Variants in GDPD5 observed in about 807,000 individuals in gnomAD.
The protein encoded by GDPD5 is glycerophosphodiester phosphodiesterase domain containing 5, also known as glycerophosphodiester phosphodiesterase 2.
GDPD5 carries 48 observed loss-of-function variants against 75.1 expected under a neutral mutation model. That is an observed-to-expected ratio of 0.64 (90% CI 0.51 to 0.81). The LOEUF is 0.81. Among genes scored for constraint, GDPD5 ranks in the 40% least tolerant of loss-of-function variants. The pLI is 0.00. For missense variants in GDPD5, 706 were observed against 822.6 expected (o/e 0.86, Z 1.73); for synonymous variants, 336 against 339.0 (o/e 0.99, Z 0.10).
chr11:75,478,927 T>A lies in GDPD5; in HGVS notation c.-60-1132A>T, dbSNP rs574591239. On this transcript the variant is annotated intron_variant, in intron 2 of 16. Transcript: ENST00000336898. ...TCCCATAACTGGACTGTAGTCAATC[T>A]AGGAACTGCTCTAGTGCCCCAAAGT... Among the ~76,000 whole-genome samples the A allele has an allele frequency of 1.9e-4, 29 of 152,300 alleles. No individual in the cohort carries two copies. In the South Asian group the frequency reaches 6.0e-3, roughly 32 times the overall value.
chr11:75,505,827 C>T (rs949962772), intron 1 of GDPD5, among the ~76,000 whole-genome samples: 4 of 152,210 alleles, frequency 2.6e-5, no homozygotes, highest in African/African-American at 9.6e-5. Flanking sequence ...CTATTCCATG[C>T]TGCCAAAAGT....
At chr11:75,456,541 A>G (rs913326243) in intron 6 of GDPD5, 2 of 588,434 alleles carry the variant, frequency 3.4e-6, no homozygotes, top group Admixed American at 2.9e-5. Context: ...GAATGATAAC[A>G]GTACCTACAT....
At chr11:75,471,096 C>T (rs1295015593) in intron 3 of GDPD5, among the ~76,000 whole-genome samples, 1 of 152,228 alleles carries the variant, frequency 6.6e-6, no homozygotes, top group Non-Finnish European at 1.5e-5. Flanking sequence ...CAAGCCAAAT[C>T]TTGGGCACCT....
intron 1 of GDPD5, among the ~76,000 whole-genome samples, chr11:75,495,505 A>G (rs1950192756): frequency 6.6e-6 from 1 of 152,090 alleles, no homozygotes; most frequent in African/African-American, 2.4e-5. Flanking sequence ...CTTATTATTT[A>G]TATCTGAACA....
At chr11:75,490,652 C>G (rs1459609489) in intron 1 of GDPD5, 1 of 152,392 alleles carries the variant, frequency 6.6e-6, no homozygotes, top group Non-Finnish European at 1.5e-5. Context: ...GATCCAGGAT[C>G]CAAAGCCCAG....
chr11:75,441,544 G>A (rs1948803166), intron 13 of GDPD5, 102 bp downstream of exon 13: 3 of 68,508 alleles, frequency 4.4e-5, no homozygotes, highest in Non-Finnish European at 2.7e-5. Context: ...CTGCCCGACC[G>A]TGTGTGTGTG....
chr11:75,478,705 A>C (rs1949835825), intron 2 of GDPD5, among the ~76,000 whole-genome samples: 1 of 152,232 alleles, frequency 6.6e-6, no homozygotes, highest in Non-Finnish European at 1.5e-5. Context: ...TTTCAAAATA[A>C]ACATTTTAGA....
chr11:75,493,924 G>A (rs1449169285), intron 1 of GDPD5, among the ~76,000 whole-genome samples: 1 of 152,000 alleles, frequency 6.6e-6, no homozygotes, highest in Admixed American at 6.5e-5. Context: ...ACAACATTCT[G>A]CAACTCACAT....
chr11:75,435,858 C>T (rs1215457955), intron 16 of GDPD5, among the ~76,000 whole-genome samples: 1 of 152,172 alleles, frequency 6.6e-6, no homozygotes, highest in Non-Finnish European at 1.5e-5. Context: ...ATCTGCTGTC[C>T]CCTGGGACTC....
intron 16 of GDPD5, 92 bp from the exon 17 acceptor site, chr11:75,435,747 C>G: frequency 1.5e-6 from 2 of 1,338,282 alleles, no homozygotes; most frequent in Non-Finnish European, 2.0e-6. Flanking sequence ...CACCACCCAG[C>G]GGGGCACTTG....
At chr11:75,459,807 C>CA (rs767929482) in intron 4 of GDPD5, among the ~76,000 whole-genome samples, 14,973 of 75,340 alleles carry the variant, frequency 0.2, 1,119 homozygotes, top group African/African-American at 0.31. Context: ...GAGACTGTCT[C>CA]AAAAAAAAAA....
chr11:75,482,281 G>T (rs1949934204), intron 2 of GDPD5, among the ~76,000 whole-genome samples: 1 of 152,250 alleles, frequency 6.6e-6, no homozygotes, highest in African/African-American at 2.4e-5. Context: ...TTTTTGTCCT[G>T]TTCATAAGTG....
At chr11:75,442,688 C>T in intron 11 of GDPD5, 107 bp from the exon 12 acceptor site, 1 of 982,218 alleles carries the variant, frequency 1.0e-6, no homozygotes, top group Non-Finnish European at 1.5e-6. Flanking sequence ...CCAGAGTCTG[C>T]TGGGGTCAGG....
chr11:75,516,913 C>T (rs1463815252), intron 1 of GDPD5, among the ~76,000 whole-genome samples: 1 of 152,216 alleles, frequency 6.6e-6, no homozygotes, highest in Non-Finnish European at 1.5e-5. Context: ...GATACCTGGA[C>T]TTGAGCAAGC....
chr11:75,463,019 T>G, intron 3 of GDPD5, 130 bp from the exon 4 acceptor site: 1 of 683,278 alleles, frequency 1.5e-6, no homozygotes, highest in Non-Finnish European at 2.5e-6. Flanking sequence ...CTGCCCTCTT[T>G]ACCCTGGGAG....
intron 3 of GDPD5, among the ~76,000 whole-genome samples, chr11:75,469,289 T>C (rs1225686823): frequency 1.3e-5 from 2 of 151,944 alleles, no homozygotes; most frequent in Non-Finnish European, 2.9e-5. Flanking sequence ...GGGAACAGAG[T>C]CCTGTGTGAG....
chr11:75,487,054 G>C (rs541577297), intron 2 of GDPD5, among the ~76,000 whole-genome samples: 2 of 152,290 alleles, frequency 1.3e-5, no homozygotes, highest in African/African-American at 2.4e-5. Flanking sequence ...GGCTGCAGGT[G>C]GGGGAGACAG....
intron 3 of GDPD5, among the ~76,000 whole-genome samples, chr11:75,475,485 T>G (rs528244446): frequency 6.6e-6 from 1 of 152,340 alleles, no homozygotes; most frequent in East Asian, 1.9e-4. Flanking sequence ...TAGGTCGCTA[T>G]TCCTTCGTTG....
chr11:75,477,985 G>A (rs1396100814), intron 2 of GDPD5, 190 bp from the exon 3 acceptor site: 1 of 353,554 alleles, frequency 2.8e-6, no homozygotes, highest in Non-Finnish European at 5.1e-6. Flanking sequence ...CTCCCACCCA[G>A]GCCCTCATCC....
Sources: gnomAD v4.1 joint callset for allele counts (sites outside exome capture counted in the v4.1 genomes callset) on GRCh38, gnomAD v4.1.1 for gene constraint, MANE v1.5 for transcripts, NCBI Gene and HGNC (gene_info 2026-07-23, HGNC 2026-07-21) for gene names.